Variants in SOBP observed in about 807,000 individuals in gnomAD.
SOBP encodes the protein sine oculis binding protein homolog.
In SOBP, 4 loss-of-function variants were observed where a neutral mutation model predicts 53.6. The ratio of observed to expected loss-of-function variants is 0.07; its 90% CI spans 0.04 to 0.17. The LOEUF (loss-of-function observed/expected upper bound fraction) is 0.17. Among genes scored for constraint, SOBP ranks in the 10% least tolerant of loss-of-function variants. The pLI is 1.00. For missense variants in SOBP, 1,088 were observed against 1,204.7 expected, an observed-to-expected ratio of 0.90 and a Z score of 1.43; for synonymous variants, 584 against 522.6, an observed-to-expected ratio of 1.12 and a Z score of -1.60.
At chr6:107,517,555 G>T (rs1488935937) in intron 3 of SOBP, among the ~76,000 whole-genome samples, 1 of 152,146 alleles carries the variant, frequency 6.6e-6, no homozygotes, top group Non-Finnish European at 1.5e-5. Flanking sequence ...TAATATTGGG[G>T]GTTAGAGCTT....
chr6:107,638,967 A>G (rs954604619), intron 6 of SOBP, among the ~76,000 whole-genome samples: 16 of 152,248 alleles, frequency 1.1e-4, no homozygotes, highest in African/African-American at 3.4e-4. Context: ...CAGTGGCACA[A>G]TCTGGGCTCA....
chr6:107,502,605 T>G lies in SOBP; in HGVS notation c.97-1052T>G, dbSNP rs377729923. Reference sequence around the variant, plus strand: ...GTATTGATTTATAGTTCATAAAATGTTTTCATACATTATCCCAAATGGGCT... The same window carrying G: ...GTATTGATTTATAGTTCATAAAATGGTTTCATACATTATCCCAAATGGGCT... On this transcript the variant is annotated intron_variant, in intron 1 of 6. Transcript: ENST00000317357. 1.6e-4 allele frequency among the ~76,000 whole-genome samples: 24 copies of G among 152,320 alleles called. No individual in the cohort carries two copies. In the East Asian group the frequency reaches 4.2e-3, roughly 27 times the overall value.
In SOBP at chr6:107,605,191, A is replaced by G. The variant is rs147191821; in HGVS notation, c.669+18016A>G. 4.1e-3 allele frequency among the ~76,000 whole-genome samples: 625 copies of G among 152,292 alleles called. 8 individuals are homozygous for G. Among genetic ancestry groups the G allele is most frequent in the African/African-American group, 0.014 (585 of 41,554 alleles). ...CATTTCGCCTTTGTTCTCATATATTATATACATACTACAATATCTGTTTTT... is the reference window on the plus strand; with the variant it reads ...CATTTCGCCTTTGTTCTCATATATTGTATACATACTACAATATCTGTTTTT... On this transcript the variant is annotated intron_variant, in intron 5 of 6. Coordinates refer to ENST00000317357, the MANE Select transcript of SOBP (RefSeq NM_018013.4).
In SOBP at chr6:107,660,981, G is replaced by A. The variant is rs945331353; in HGVS notation, c.*2778G>A. On this transcript the variant is annotated 3_prime_UTR_variant, in exon 7 of 7. Coordinates refer to ENST00000317357, the MANE Select transcript of SOBP (RefSeq NM_018013.4). The stretch of plus-strand genomic sequence containing the variant: ...ATGGCGGTGACTCCGTCTGAACTCT[G>A]CCGAGGCAAGCCCAGCCAAGGACGT... 2.0e-5 allele frequency among the ~76,000 whole-genome samples: 3 copies of A among 152,156 alleles called. No homozygotes were observed. The highest frequency in any genetic ancestry group is 4.4e-5 in the Non-Finnish European group (3 of 68,034).
chr6:107,517,571 T>G (rs2114965776), intron 3 of SOBP, among the ~76,000 whole-genome samples: 1 of 152,304 alleles, frequency 6.6e-6, no homozygotes, highest in East Asian at 1.9e-4. Context: ...AGCTTCAACA[T>G]ATGAATTTGG....
intron 1 of SOBP, among the ~76,000 whole-genome samples, chr6:107,503,456 G>T (rs956263121): frequency 6.6e-6 from 1 of 152,130 alleles, no homozygotes; most frequent in Non-Finnish European, 1.5e-5. Flanking sequence ...AATATCTGAA[G>T]CCCTGTCATA....
intron 4 of SOBP, among the ~76,000 whole-genome samples, chr6:107,555,539 G>A (rs187951663): frequency 4.6e-5 from 7 of 152,318 alleles, no homozygotes; most frequent in African/African-American, 9.6e-5. Flanking sequence ...AGCTGTAAGC[G>A]CCTTGCACTC....
chr6:107,505,749 C>T (rs934470514), intron 2 of SOBP, among the ~76,000 whole-genome samples: 1 of 152,194 alleles, frequency 6.6e-6, no homozygotes, highest in Non-Finnish European at 1.5e-5. Flanking sequence ...CTCGCAGATT[C>T]AAGTGATTCT....
chr6:107,619,779 C>G (rs1449408283), intron 5 of SOBP, among the ~76,000 whole-genome samples: 1 of 152,100 alleles, frequency 6.6e-6, no homozygotes, highest in Non-Finnish European at 1.5e-5. Flanking sequence ...GCCTCCCAGC[C>G]CTTGGATTTG....
chr6:107,492,501 C>T (rs1354296050), intron 1 of SOBP, among the ~76,000 whole-genome samples: 1 of 152,188 alleles, frequency 6.6e-6, no homozygotes, highest in Non-Finnish European at 1.5e-5. Context: ...TAAAGGCTGA[C>T]TGTGCTCGAT....
chr6:107,501,047 G>A (rs75419684), intron 1 of SOBP, among the ~76,000 whole-genome samples: 4,424 of 152,100 alleles, frequency 0.029, 230 homozygotes, highest in African/African-American at 0.1. Flanking sequence ...AAACATTAAG[G>A]TGTTTATTTT....
rs1156608231 is a variant in SOBP, at chr6:107,566,561, CCT to C, written c.574-20515_574-20514del. 3.3e-5 allele frequency among the ~76,000 whole-genome samples: 5 copies of C among 152,328 alleles called. No individual in the cohort carries two copies. In the East Asian group the frequency reaches 9.6e-4, roughly 29 times the overall value. Reference sequence around the variant, plus strand: ...CAGCTTTGGGCTTGGCTTCTCTCCACCTCTCCTTCTCTCACGGTGTCTCTGAT... The same window carrying C: ...CAGCTTTGGGCTTGGCTTCTCTCCACCTCCTTCTCTCACGGTGTCTCTGAT... On this transcript the variant is annotated intron_variant, in intron 4 of 6. Transcript: ENST00000317357.
chr6:107,633,367 G>C, intron 5 of SOBP, 147 bp from the exon 6 acceptor site: 1 of 999,686 alleles, frequency 1.0e-6, no homozygotes, highest in South Asian at 1.4e-5. Flanking sequence ...AAACATTTCA[G>C]AATTTTACCT....
At chr6:107,656,399 A>G (rs1257547024) in intron 6 of SOBP, among the ~76,000 whole-genome samples, 1 of 152,148 alleles carries the variant, frequency 6.6e-6, no homozygotes, top group African/African-American at 2.4e-5. Context: ...TTATTCAGAA[A>G]TAAATATCCA....
At position 107,506,433 on chromosome 6, in the gene SOBP, T is replaced by G; in HGVS notation, c.421+6T>G. 6.2e-7 allele frequency: 1 copy of G among 1,613,870 alleles called. No homozygotes were observed. The highest frequency in any genetic ancestry group is 1.7e-5 in the Admixed American group (1 of 60,024). On this transcript the variant is annotated splice_donor_region_variant and intron_variant, in intron 3 of 6. Transcript: ENST00000317357. The stretch of plus-strand genomic sequence containing the variant: ...TTTCATAAAGCCACCAGCAGGTAAG[T>G]CACTACTGGTGTTTTCAGTGATAAC...
At chr6:107,606,234 G>A (rs1246826390) in intron 5 of SOBP, among the ~76,000 whole-genome samples, 10 of 151,712 alleles carry the variant, frequency 6.6e-5, no homozygotes, top group Admixed American at 5.9e-4. Context: ...ACACCATCAC[G>A]CCCAGCTAAT....
At chr6:107,600,057 A>G (rs1014648494) in intron 5 of SOBP, among the ~76,000 whole-genome samples, 1 of 152,256 alleles carries the variant, frequency 6.6e-6, no homozygotes, top group Non-Finnish European at 1.5e-5. Context: ...GCTGCCTATT[A>G]TGGTAAGAAA....
At chr6:107,637,931 G>T (rs916027035) in intron 6 of SOBP, among the ~76,000 whole-genome samples, 6 of 152,186 alleles carry the variant, frequency 3.9e-5, no homozygotes, top group African/African-American at 1.4e-4. Context: ...TGATGAAATT[G>T]CCCACTACCT....
At position 107,626,204 on chromosome 6, in the gene SOBP, C is replaced by T. The variant is rs577433279; in HGVS notation, c.670-7310C>T. On this transcript the variant is annotated intron_variant, in intron 5 of 6. Coordinates refer to ENST00000317357, the MANE Select transcript of SOBP (RefSeq NM_018013.4). ...AACAAAGGGAAATTTGACATTGAGA[C>T]AGTAGATATTAAGGATTTTTTTTGC... Among the ~76,000 whole-genome samples, 17 of 152,230 alleles carry T rather than the reference C, an allele frequency of 1.1e-4. No individual in the cohort carries two copies. The South Asian group carries it at 3.3e-3, about 30-fold the overall frequency.
Sources: gnomAD v4.1 joint callset for allele counts (sites outside exome capture counted in the v4.1 genomes callset) on GRCh38, gnomAD v4.1.1 for gene constraint, MANE v1.5 for transcripts, NCBI Gene and HGNC (gene_info 2026-07-23, HGNC 2026-07-21) for gene names.